METAP2: variants seen among roughly 807,000 people sequenced by gnomAD.
The protein encoded by METAP2 is methionyl aminopeptidase 2, also known as methionine aminopeptidase 2.
Under a neutral mutation model 59.4 loss-of-function variants are expected in METAP2, and 25 were observed. That is an observed-to-expected ratio of 0.42 (90% CI 0.31 to 0.59). The LOEUF (loss-of-function observed/expected upper bound fraction) is 0.59, where lower values mean the gene tolerates loss of function less well. Among genes scored for constraint, METAP2 ranks in the 20% least tolerant of loss-of-function variants. The pLI, the probability that METAP2 is intolerant of heterozygous loss-of-function variation, is 0.16. For missense variants in METAP2, 366 were observed against 581.2 expected, an observed-to-expected ratio of 0.63 and a Z score of 3.81; for synonymous variants, 214 against 194.1, an observed-to-expected ratio of 1.10 and a Z score of -0.85.
intron 7 of METAP2, 76 bp from the exon 8 acceptor site, chr12:95,503,989 T>C: frequency 1.8e-6 from 2 of 1,087,588 alleles, no homozygotes; most frequent in African/African-American, 3.1e-5. Flanking sequence ...GTCCCTTGTT[T>C]TTAAATGTTA....
intron 8 of METAP2, 27 bp from the exon 9 acceptor site, chr12:95,511,868 C>A: frequency 6.6e-7 from 1 of 1,525,582 alleles, no homozygotes; most frequent in Middle Eastern, 1.7e-4. Context: ...TCCTGAATGA[C>A]TTTTATTTCC....
chr12:95,496,259 A>G (rs2076274702), intron 7 of METAP2, among the ~76,000 whole-genome samples, 161 bp downstream of exon 7: 1 of 152,054 alleles, frequency 6.6e-6, no homozygotes, highest in Non-Finnish European at 1.5e-5. Context: ...TAAGCGGGTA[A>G]GTGTATGATT....
chr12:95,486,644 T>A (rs2076199192), intron 4 of METAP2, among the ~76,000 whole-genome samples: 1 of 152,004 alleles, frequency 6.6e-6, no homozygotes, highest in Non-Finnish European at 1.5e-5. Flanking sequence ...ATTACACGCA[T>A]GCACCACCAT....
In METAP2 at chr12:95,514,097, A is replaced by G. The variant is rs904301761; in HGVS notation, c.*193A>G. 5.7e-5 allele frequency: 33 copies of G among 577,886 alleles called. No homozygotes were observed. Among genetic ancestry groups the G allele is most frequent in the Non-Finnish European group, 2.8e-6 (1 of 357,724 alleles). 35.8% of individuals were successfully genotyped at this position (577,886 alleles called of 1,614,324 possible). A position where few individuals can be genotyped will look rare whatever the true frequency, so the allele number is the denominator to read the frequency against. On this transcript the variant is annotated 3_prime_UTR_variant, in exon 11 of 11. Coordinates refer to ENST00000323666, the MANE Select transcript of METAP2 (RefSeq NM_006838.4). ...ATTAACCAACGAAAAAGCTTTCCGG[A>G]CTTTTAAATGCTAACTGTTTTTCCC...
chr12:95,485,584 C>T (rs952918162), intron 3 of METAP2, among the ~76,000 whole-genome samples: 1 of 151,962 alleles, frequency 6.6e-6, no homozygotes. Context: ...TATGCTGTTC[C>T]ATCTCTAGTA....
chr12:95,501,712 T>A (rs1179734448), intron 7 of METAP2, among the ~76,000 whole-genome samples: 1 of 150,232 alleles, frequency 6.7e-6, no homozygotes, highest in African/African-American at 2.4e-5. Flanking sequence ...AAACTCCGTT[T>A]CAAAAAGAAA....
chr12:95,478,656 A>C lies in METAP2; in HGVS notation c.259+2478A>C, dbSNP rs527694119. On this transcript the variant is annotated intron_variant, in intron 2 of 10. Transcript: ENST00000323666. ...TCAAAAAATAAGAAAAAATAAAGAAAACTAAGGATGTGGTAGACAGACAAA... is the reference window on the plus strand; with the variant it reads ...TCAAAAAATAAGAAAAAATAAAGAACACTAAGGATGTGGTAGACAGACAAA... Among the ~76,000 whole-genome samples, 7 of 152,156 alleles carry C rather than the reference A, an allele frequency of 4.6e-5. No homozygotes were observed. The South Asian group carries it at 6.2e-4, about 14-fold the overall frequency.
chr12:95,477,336 C>T (rs2076127784), intron 2 of METAP2, among the ~76,000 whole-genome samples: 1 of 152,112 alleles, frequency 6.6e-6, no homozygotes, highest in Non-Finnish European at 1.5e-5. Context: ...AGTAATCTGC[C>T]CACCTCAGCC....
At chr12:95,503,598 G>C (rs536963681) in intron 7 of METAP2, among the ~76,000 whole-genome samples, 66 of 152,272 alleles carry the variant, frequency 4.3e-4, no homozygotes, top group African/African-American at 1.5e-3. Context: ...GCAGCAACCA[G>C]GGATCAAAGC....
intron 2 of METAP2, chr12:95,482,218 T>C (rs1466021065): frequency 2.2e-6 from 1 of 445,834 alleles, no homozygotes. Flanking sequence ...CAGGTGATCC[T>C]CCCACATCTC....
intron 4 of METAP2, among the ~76,000 whole-genome samples, chr12:95,491,594 T>C (rs2076237960): frequency 6.6e-6 from 1 of 151,934 alleles, no homozygotes; most frequent in Admixed American, 6.6e-5. Flanking sequence ...CACTGCAACC[T>C]CTGCCTCCCA....
At chr12:95,505,806 CAG>C (rs1380586911) in intron 8 of METAP2, among the ~76,000 whole-genome samples, 1 of 150,890 alleles carries the variant, frequency 6.6e-6, no homozygotes, top group African/African-American at 2.4e-5. Flanking sequence ...TTTTTTTAGA[CAG>C]AGTCTGCCAG....
chr12:95,506,732 T>C (rs1274521728), intron 8 of METAP2, among the ~76,000 whole-genome samples: 2 of 152,196 alleles, frequency 1.3e-5, no homozygotes, highest in South Asian at 2.1e-4. Context: ...TTCTTTGTTA[T>C]TTGATTTTCA....
At chr12:95,476,403 T>G (rs1296650095) in intron 2 of METAP2, among the ~76,000 whole-genome samples, 2 of 151,814 alleles carry the variant, frequency 1.3e-5, no homozygotes, top group Non-Finnish European at 2.9e-5. Flanking sequence ...TCCCAACAAC[T>G]TGGGAAGCTG....
At chr12:95,492,982 A>G (rs1594423005) in intron 4 of METAP2, among the ~76,000 whole-genome samples, 1 of 152,112 alleles carries the variant, frequency 6.6e-6, no homozygotes, top group South Asian at 2.1e-4. Context: ...TTTATAAAAC[A>G]GGGGAGGCAA....
At chr12:95,495,175 C>G (rs778089619) in intron 6 of METAP2, 37 bp downstream of exon 6, 1 of 1,533,038 alleles carries the variant, frequency 6.5e-7, no homozygotes, top group Non-Finnish European at 8.9e-7. Context: ...CCAGCCTCCT[C>G]CTGAAAAACT....
intron 4 of METAP2, among the ~76,000 whole-genome samples, chr12:95,492,038 G>C (rs1174464705): frequency 6.6e-6 from 1 of 151,974 alleles, no homozygotes; most frequent in Admixed American, 6.6e-5. Flanking sequence ...GAACTTCTGG[G>C]CTCAAACAGT....
intron 2 of METAP2, among the ~76,000 whole-genome samples, chr12:95,480,411 GGTAA>G (rs1401687408): frequency 2.6e-5 from 4 of 152,122 alleles, no homozygotes; most frequent in African/African-American, 9.7e-5. Context: ...CCTGTCATAT[GGTAA>G]GTATGTGTTT....
At chr12:95,474,365 G>A in intron 1 of METAP2, 35 bp downstream of exon 1, 1 of 1,607,756 alleles carries the variant, frequency 6.2e-7, no homozygotes, top group Non-Finnish European at 8.5e-7. Context: ...AGTCCCCTCC[G>A]GGAACGGCTG....
Sources: allele counts gnomAD v4.1 joint callset (sites outside exome capture counted in the v4.1 genomes callset), GRCh38; gene constraint gnomAD v4.1.1; transcripts MANE v1.5; gene names NCBI Gene and HGNC (gene_info 2026-07-23, HGNC 2026-07-21).